FOXN1: variants seen among roughly 807,000 people sequenced by gnomAD.
The protein encoded by FOXN1 is forkhead box N1.
A neutral mutation model predicts 49.0 loss-of-function variants in FOXN1; 15 were observed. The ratio of observed to expected loss-of-function variants is 0.31; its 90% CI spans 0.20 to 0.47. The LOEUF (loss-of-function observed/expected upper bound fraction) is 0.47. Among genes scored for constraint, FOXN1 ranks in the 20% least tolerant of loss-of-function variants. The pLI is 1.00. For synonymous variants in FOXN1, 356 were observed against 369.0 expected, an observed-to-expected ratio of 0.96 and a Z score of 0.40; for missense variants, 800 against 842.8, an observed-to-expected ratio of 0.95 and a Z score of 0.63.
At chr17:28,532,531 T>C (rs1040461583) in intron 6 of FOXN1, among the ~76,000 whole-genome samples, 5 of 152,198 alleles carry the variant, frequency 3.3e-5, no homozygotes, top group Non-Finnish European at 5.9e-5. Context: ...GTAAAGTGGG[T>C]CAGATCCGTT....
At chr17:28,514,651 C>A (rs912198114) in intron 1 of FOXN1, among the ~76,000 whole-genome samples, 3 of 152,112 alleles carry the variant, frequency 2.0e-5, no homozygotes, top group South Asian at 2.1e-4. Flanking sequence ...CCGGCCGAGC[C>A]CCACCCCTCG....
chr17:28,515,915 G>A (rs531252010), intron 1 of FOXN1, among the ~76,000 whole-genome samples: 7 of 151,308 alleles, frequency 4.6e-5, no homozygotes, highest in Non-Finnish European at 2.9e-5. Flanking sequence ...TACCTTCACA[G>A]GGTACACATT....
chr17:28,507,996 T>C (rs1291276858), intron 1 of FOXN1, among the ~76,000 whole-genome samples: 1 of 152,152 alleles, frequency 6.6e-6, no homozygotes, highest in Non-Finnish European at 1.5e-5. Context: ...GAGAGGCGCA[T>C]GTCCTCCCGG....
Position 28,537,728 on chromosome 17 carries a change from T to C in FOXN1, c.*292T>C. 1.9e-6 allele frequency: 1 copy of C among 535,384 alleles called. No homozygotes were observed. Among genetic ancestry groups the C allele is most frequent in the Non-Finnish European group, 3.4e-6 (1 of 293,816 alleles). 33.2% of individuals were successfully genotyped at this position (535,384 alleles called of 1,614,324 possible). On this transcript the variant is annotated 3_prime_UTR_variant, in exon 9 of 9. Transcript: ENST00000579795. The stretch of plus-strand genomic sequence containing the variant: ...TCCCTAGCTCACACTCATCCACACT[T>C]AAGCCCTCGTGCACACACACAAATT...
intron 4 of FOXN1, 38 bp from the exon 5 acceptor site, chr17:28,529,056 G>A: frequency 6.2e-7 from 1 of 1,613,620 alleles, no homozygotes; most frequent in South Asian, 1.1e-5. Flanking sequence ...GAAAGGCTGG[G>A]TACCATGCAA....
At position 28,506,533 on chromosome 17, in the gene FOXN1, A is replaced by C. The variant is rs1156336738; in HGVS notation, c.-15+90A>C. The C allele has an allele frequency of 2.0e-5, 3 of 152,512 alleles. No homozygotes were observed. The South Asian group carries it at 6.2e-4, about 32-fold the overall frequency. 9.4% of individuals were successfully genotyped at this position (152,512 alleles called of 1,614,324 possible). A position where few individuals can be genotyped will look rare whatever the true frequency, so the allele number is the denominator to read the frequency against. On this transcript the variant is annotated intron_variant, in intron 1 of 8. Coordinates refer to ENST00000579795, the MANE Select transcript of FOXN1 (RefSeq NM_001369369.1). ...GGCGTTCGCCTTTTTAACGGGGCTC[A>C]GGAGTGACGGGGAGCACCCAGGTTC...
chr17:28,521,284 G>A (rs1015883009), intron 1 of FOXN1, among the ~76,000 whole-genome samples: 4 of 152,168 alleles, frequency 2.6e-5, no homozygotes, highest in African/African-American at 9.6e-5. Flanking sequence ...CTGCAGGGAG[G>A]GGAGTGGCCA....
At chr17:28,527,587 G>A (rs1227919405) in intron 4 of FOXN1, among the ~76,000 whole-genome samples, 1 of 152,196 alleles carries the variant, frequency 6.6e-6, no homozygotes, top group Non-Finnish European at 1.5e-5. Flanking sequence ...CCCTGGCAAG[G>A]CCTGAGAGGC....
intron 8 of FOXN1, among the ~76,000 whole-genome samples, chr17:28,535,440 C>G (rs2070039202): frequency 6.6e-6 from 1 of 152,216 alleles, no homozygotes; most frequent in Admixed American, 6.5e-5. Context: ...AAACATGGTC[C>G]AACTGACCTC....
At chr17:28,531,348 T>C (rs889282097) in intron 6 of FOXN1, among the ~76,000 whole-genome samples, 11 of 151,904 alleles carry the variant, frequency 7.2e-5, no homozygotes, top group Admixed American at 1.3e-4. Flanking sequence ...GAAAGCGGGG[T>C]GTGGGCTTCC....
At chr17:28,528,002 C>T (rs1007268746) in intron 4 of FOXN1, among the ~76,000 whole-genome samples, 2 of 152,236 alleles carry the variant, frequency 1.3e-5, no homozygotes, top group Non-Finnish European at 1.5e-5. Context: ...AGCCAGGCAG[C>T]TCCCAGGAGT....
intron 1 of FOXN1, among the ~76,000 whole-genome samples, chr17:28,518,844 A>G (rs2069582973): frequency 6.6e-6 from 1 of 151,982 alleles, no homozygotes; most frequent in South Asian, 2.1e-4. Flanking sequence ...TGCGCAGGTC[A>G]TTTCTTCTCT....
Position 28,534,530 on chromosome 17 carries a change from C to T in FOXN1, c.1127C>T (p.Ala376Val), listed in dbSNP as rs1460524418. ...KDPIAVRKSM[A>V]KPEELDSLIG... ...CCCATTGCTGTGCGCAAAAGCATGG[C>T]CAAGCCAGGTGAGGCCGGCCGGGCC... is the stretch of plus-strand genomic sequence containing the variant. The change falls in exon 7 of 9, where the codon GCC becomes GTC. Residue 376 changes from alanine to valine, a missense_variant. By Grantham distance (64) the Ala-to-Val change is moderately conservative (BLOSUM62 0). Around this residue, in one of 3 missense-constraint regions of FOXN1, gnomAD observed 344 missense variants for 366.1 expected, o/e 0.94. Transcript: ENST00000579795. This position sits in a 1 kb window ranked among gnomAD's most constrained non-coding sequence, Gnocchi z 4.1. The T allele has an allele frequency of 6.2e-7, 1 of 1,613,294 alleles. No homozygotes were observed. The highest frequency in any genetic ancestry group is 8.5e-7 in the Non-Finnish European group (1 of 1,179,922).
chr17:28,524,526 G>A lies in FOXN1; in HGVS notation c.147G>A (p.Ser49=), dbSNP rs148006498. 47 of 1,613,644 alleles carry A rather than the reference G, an allele frequency of 2.9e-5. No individual in the cohort carries two copies. Among genetic ancestry groups the A allele is most frequent in the East Asian group, 8.9e-5 (4 of 44,894 alleles). Residue 49 remains serine (S), a synonymous_variant, in exon 3 of 9, where the codon TCG becomes TCA. Coordinates refer to ENST00000579795, the MANE Select transcript of FOXN1 (RefSeq NM_001369369.1). ...PQSKHAGFSC[S]SFVSDGPPER... Reference sequence around the variant, plus strand: ...AGAAGCATGCCGGCTTCAGCTGCTCGTCATTTGTGTCCGACGGCCCTCCAG... The same window carrying A: ...AGAAGCATGCCGGCTTCAGCTGCTCATCATTTGTGTCCGACGGCCCTCCAG...
In FOXN1 at chr17:28,511,046, C is replaced by T. The variant is rs554476198; in HGVS notation, c.-15+4603C>T. On this transcript the variant is annotated intron_variant, in intron 1 of 8. Coordinates refer to ENST00000579795, the MANE Select transcript of FOXN1 (RefSeq NM_001369369.1). ...CCCCAGCACCTGGAGGAAGGAGCAG[C>T]GCACAGATGCCTGCATAGCAGGGAA... Among the ~76,000 whole-genome samples the T allele has an allele frequency of 2.9e-3, 444 of 152,248 alleles. 1 individual carries two copies. Among genetic ancestry groups the T allele is most frequent in the African/African-American group, 0.01 (418 of 41,536 alleles).
chr17:28,509,070 A>G (rs1406701729), intron 1 of FOXN1, among the ~76,000 whole-genome samples: 3 of 152,014 alleles, frequency 2.0e-5, no homozygotes, highest in Non-Finnish European at 4.4e-5. Context: ...CTGGGGAAGG[A>G]TGAGAGGACC....
chr17:28,510,582 A>G (rs2079730), intron 1 of FOXN1, among the ~76,000 whole-genome samples: 967 of 32,270 alleles, frequency 0.03, 10 homozygotes, highest in South Asian at 0.11. Flanking sequence ...ACACACACGC[A>G]CACACACACA....
At chr17:28,509,923 G>T (rs992459089) in intron 1 of FOXN1, among the ~76,000 whole-genome samples, 5 of 152,190 alleles carry the variant, frequency 3.3e-5, no homozygotes, top group Non-Finnish European at 7.4e-5. Flanking sequence ...TCTCTACCCT[G>T]CCTGTGGCCC....
chr17:28,515,156 C>T (rs968950090), intron 1 of FOXN1, among the ~76,000 whole-genome samples: 7 of 152,042 alleles, frequency 4.6e-5, no homozygotes, highest in Admixed American at 6.5e-5. Flanking sequence ...TCCTCAGGGG[C>T]GCCCCACATA....
Sources: allele counts gnomAD v4.1 joint callset (sites outside exome capture counted in the v4.1 genomes callset), GRCh38; gene constraint gnomAD v4.1.1; regional missense constraint gnomAD v4.1.1; non-coding constraint Gnocchi (gnomAD v3.1); transcripts MANE v1.5; gene names NCBI Gene and HGNC (gene_info 2026-07-23, HGNC 2026-07-21).